SNTG1: variants seen among roughly 807,000 people sequenced by gnomAD.
SNTG1 encodes the protein syntrophin gamma 1.
A neutral mutation model predicts 74.7 loss-of-function variants in SNTG1; 39 were observed. That is an observed-to-expected ratio of 0.52 (90% CI 0.40 to 0.68). SNTG1 has a LOEUF of 0.68. Ranked by LOEUF, SNTG1 falls within the 30% of genes least tolerant of loss-of-function variation. SNTG1 has a pLI of 0.00. For synonymous variants in SNTG1, 254 were observed against 217.1 expected (o/e 1.17, Z -1.49); for missense variants, 685 against 609.5 (o/e 1.12, Z -1.30).
intron 2 of SNTG1, among the ~76,000 whole-genome samples, chr8:50,351,715 A>G (rs2044778): frequency 0.16 from 23,744 of 152,248 alleles, 2,304 homozygotes; most frequent in Middle Eastern, 0.26. Context: ...AGCAGAGAAC[A>G]GCTGAAAGTT....
At chr8:50,570,010 T>C (rs564858028) in intron 12 of SNTG1, among the ~76,000 whole-genome samples, 10 of 152,222 alleles carry the variant, frequency 6.6e-5, no homozygotes, top group African/African-American at 2.4e-4. Flanking sequence ...TTAGAGTTTA[T>C]GTCAAGAAGT....
chr8:50,131,342 A>G (rs2081310847), intron 1 of SNTG1, among the ~76,000 whole-genome samples: 1 of 152,152 alleles, frequency 6.6e-6, no homozygotes, highest in Non-Finnish European at 1.5e-5. Flanking sequence ...ATTGAAAAAT[A>G]AAAATTGTAT....
At chr8:50,237,253 C>A (rs4873434) in intron 2 of SNTG1, among the ~76,000 whole-genome samples, 39,858 of 151,822 alleles carry the variant, frequency 0.26, 5,296 homozygotes, top group Middle Eastern at 0.37. Context: ...TAACATGATG[C>A]TCTACTCTCT....
intron 1 of SNTG1, among the ~76,000 whole-genome samples, chr8:49,986,922 G>A (rs1034259549): frequency 6.6e-6 from 1 of 151,936 alleles, no homozygotes; most frequent in Non-Finnish European, 1.5e-5. Flanking sequence ...TAAATATCTG[G>A]GTATGGAGAA....
intron 1 of SNTG1, among the ~76,000 whole-genome samples, chr8:50,167,978 C>T (rs576864873): frequency 9.9e-5 from 15 of 151,946 alleles, no homozygotes; most frequent in African/African-American, 3.6e-4. Context: ...TTTTAAAATA[C>T]ATGATTACTT....
At chr8:50,510,446 G>A (rs971759827) in intron 9 of SNTG1, among the ~76,000 whole-genome samples, 15 of 152,154 alleles carry the variant, frequency 9.9e-5, no homozygotes, top group African/African-American at 3.6e-4. Flanking sequence ...AGTTAGGGAG[G>A]ATTCCCTCTT....
At chr8:50,174,692 G>GA (rs1367141799) in intron 2 of SNTG1, among the ~76,000 whole-genome samples, 1 of 151,960 alleles carries the variant, frequency 6.6e-6, no homozygotes, top group Non-Finnish European at 1.5e-5. Flanking sequence ...GATAAAAGAG[G>GA]AAAAAAGAAG....
intron 9 of SNTG1, among the ~76,000 whole-genome samples, chr8:50,528,769 T>A (rs2094242398): frequency 6.6e-6 from 1 of 151,824 alleles, no homozygotes. Context: ...TCATTCCTGA[T>A]GTTGATAACT....
chr8:50,364,114 C>G (rs370764506), intron 2 of SNTG1, among the ~76,000 whole-genome samples: 1 of 152,196 alleles, frequency 6.6e-6, no homozygotes, highest in Non-Finnish European at 1.5e-5. Context: ...ATCATATCAT[C>G]GGCCATTGGT....
rs144746372 is a variant in SNTG1 at position 50,566,381 on chromosome 8, C to A, written c.810+13202C>A. 3.7e-4 allele frequency among the ~76,000 whole-genome samples: 57 copies of A among 152,074 alleles called. 1 individual carries two copies. The East Asian group carries it at 6.2e-3, about 16-fold the overall frequency. On this transcript the variant is annotated intron_variant, in intron 12 of 18. Coordinates refer to ENST00000642720, the MANE Select transcript of SNTG1 (RefSeq NM_018967.5). ...GATGATGTTATCAGCAGAATACTAA[C>A]CATGACAAATGGGTCAAATTTTGGA...
At chr8:50,155,375 CAAAAAT>C (rs1312198501) in intron 1 of SNTG1, among the ~76,000 whole-genome samples, 1 of 151,594 alleles carries the variant, frequency 6.6e-6, no homozygotes, top group African/African-American at 2.4e-5. Flanking sequence ...CCACAGTAAA[CAAAAAT>C]AATCTCAATC....
intron 1 of SNTG1, among the ~76,000 whole-genome samples, chr8:49,964,604 G>A (rs1479269330): frequency 6.6e-6 from 1 of 152,148 alleles, no homozygotes; most frequent in Non-Finnish European, 1.5e-5. Flanking sequence ...ACTGACAGTT[G>A]GATTAGTCCT....
chr8:50,354,727 G>A (rs1296292626), intron 2 of SNTG1, among the ~76,000 whole-genome samples: 7 of 152,148 alleles, frequency 4.6e-5, no homozygotes, highest in Admixed American at 6.5e-5. Context: ...GATCTCACAC[G>A]GCTGCAGTCA....
At position 49,948,879 on chromosome 8, in the gene SNTG1, C is replaced by T. The variant is rs186734186; in HGVS notation, c.-103+36648C>T. Among the ~76,000 whole-genome samples, 10 of 152,316 alleles carry T rather than the reference C, an allele frequency of 6.6e-5. No individual in the cohort carries two copies. In the South Asian group the frequency reaches 8.3e-4, roughly 13 times the overall value. ...AAATTCCTAAGAGCCCCCGGGCTCA[C>T]GGCATGGAGAGGCCCAGTCCACCTT... On this transcript the variant is annotated intron_variant, in intron 1 of 18. Coordinates refer to ENST00000642720, the MANE Select transcript of SNTG1 (RefSeq NM_018967.5).
rs191552762 is a variant in SNTG1 at position 50,091,333 on chromosome 8, T to C, written c.-102-81228T>C. On this transcript the variant is annotated intron_variant, in intron 1 of 18. Coordinates refer to ENST00000642720, the MANE Select transcript of SNTG1 (RefSeq NM_018967.5). ...TAAGAGCACCTGAAATCTACTCTTT[T>C]AGCAAACTTCCAGTATATAATACAG... 3.1e-3 allele frequency among the ~76,000 whole-genome samples: 469 copies of C among 152,170 alleles called. 1 individual carries two copies. Among genetic ancestry groups the C allele is most frequent in the Non-Finnish European group, 4.7e-3 (322 of 67,996 alleles).
At chr8:49,917,864 C>T (rs373844365) in intron 1 of SNTG1, among the ~76,000 whole-genome samples, 3 of 152,102 alleles carry the variant, frequency 2.0e-5, no homozygotes, top group East Asian at 1.9e-4. Flanking sequence ...AAAGTGAGCC[C>T]GTCAAGAGTC....
chr8:50,180,750 C>CTTTTT lies in SNTG1; in HGVS notation c.-28+8140_-28+8144dup, dbSNP rs60630226. Among the ~76,000 whole-genome samples the CTTTTT allele has an allele frequency of 2.1e-4, 17 of 80,664 alleles. 2 individuals carry two copies. Among genetic ancestry groups the CTTTTT allele is most frequent in the African/African-American group, 1.0e-3 (16 of 15,562 alleles). 52.9% of individuals were successfully genotyped at this position (80,664 alleles called of 152,430 possible). On this transcript the variant is annotated intron_variant, in intron 2 of 18. Coordinates refer to ENST00000642720, the MANE Select transcript of SNTG1 (RefSeq NM_018967.5). ...TGCGTTTCCCACCAGATTGTGAAGC[C>CTTTTT]TTTTTTTTTTTTTTTTTTTTTTTTT... is the stretch of plus-strand genomic sequence containing the variant.
chr8:49,980,393 G>A, intron 1 of SNTG1, among the ~76,000 whole-genome samples: 1 of 151,772 alleles, frequency 6.6e-6, no homozygotes. Flanking sequence ...CTCCTGACTT[G>A]TACATGCGCT....
chr8:50,495,613 G>A (rs1314860298), intron 8 of SNTG1, among the ~76,000 whole-genome samples: 1 of 152,112 alleles, frequency 6.6e-6, no homozygotes, highest in African/African-American at 2.4e-5. Context: ...AATTTCTGCT[G>A]CTACACTTGA....
Sources: allele counts gnomAD v4.1 joint callset (sites outside exome capture counted in the v4.1 genomes callset), GRCh38; gene constraint gnomAD v4.1.1; transcripts MANE v1.5; gene names NCBI Gene and HGNC (gene_info 2026-07-23, HGNC 2026-07-21).